WWOX: variants seen among roughly 807,000 people sequenced by gnomAD.
WWOX encodes WW domain containing oxidoreductase.
A neutral mutation model predicts 46.2 loss-of-function variants in WWOX; 69 were observed. The observed-to-expected ratio is 1.49, with a 90% CI of 1.23 to 1.82. The LOEUF is 1.82. Ranked by LOEUF, WWOX falls within the 40% of genes most tolerant of loss-of-function variation. The pLI is 0.00. For synonymous variants in WWOX, 359 were observed against 202.6 expected (o/e 1.77, Z -6.56); for missense variants, 919 against 542.6 (o/e 1.69, Z -6.89).
chr16:78,738,774 G>GCA (rs2049147962), intron 8 of WWOX, among the ~76,000 whole-genome samples: 1 of 152,120 alleles, frequency 6.6e-6, no homozygotes, highest in Admixed American at 6.5e-5. Context: ...CCAGGGCTGT[G>GCA]CAACCCTAGA....
chr16:79,084,017 C>T (rs1436052847), intron 8 of WWOX, among the ~76,000 whole-genome samples: 1 of 152,180 alleles, frequency 6.6e-6, no homozygotes, highest in African/African-American at 2.4e-5. Context: ...TGGTTAACCA[C>T]TCGCATCAGT....
At chr16:78,575,042 T>A (rs1178174657) in intron 8 of WWOX, among the ~76,000 whole-genome samples, 64 of 5,144 alleles carry the variant, frequency 0.012, 1 homozygote, top group South Asian at 0.031. Flanking sequence ...TATATATATA[T>A]ATATATATAT....
At chr16:78,306,272 A>G (rs116162975) in intron 5 of WWOX, among the ~76,000 whole-genome samples, 114 of 152,338 alleles carry the variant, frequency 7.5e-4, no homozygotes, top group African/African-American at 2.5e-3. Flanking sequence ...CCTCTGGATA[A>G]TGACAATAAT....
chr16:78,601,569 C>A lies in WWOX; in HGVS notation c.1056+168817C>A, dbSNP rs560251005. On this transcript the variant is annotated intron_variant, in intron 8 of 8. Coordinates refer to ENST00000566780, the MANE Select transcript of WWOX (RefSeq NM_016373.4). ...AAGGTCTTTTTATATAAGCACTTTC[C>A]GTTAAAGGGGAAGAAATAGCTTTAC... is the stretch of plus-strand genomic sequence containing the variant. 4.1e-4 allele frequency among the ~76,000 whole-genome samples: 62 copies of A among 152,228 alleles called. 1 individual carries two copies. Among genetic ancestry groups the A allele is most frequent in the African/African-American group, 1.4e-3 (59 of 41,546 alleles).
chr16:78,442,200 A>C (rs559848329), intron 8 of WWOX, among the ~76,000 whole-genome samples: 4 of 152,134 alleles, frequency 2.6e-5, no homozygotes, highest in Non-Finnish European at 5.9e-5. Flanking sequence ...ATTCATATGC[A>C]TTGTGAAATG....
intron 8 of WWOX, among the ~76,000 whole-genome samples, chr16:78,922,712 A>C (rs7190125): frequency 0.22 from 34,047 of 151,906 alleles, 4,019 homozygotes; most frequent in East Asian, 0.39. Flanking sequence ...AAAGGATTTT[A>C]TAAGAAAGGA....
At chr16:78,772,213 GC>G (rs1365429798) in intron 8 of WWOX, among the ~76,000 whole-genome samples, 1 of 152,134 alleles carries the variant, frequency 6.6e-6, no homozygotes, top group Non-Finnish European at 1.5e-5. Context: ...CCTCAGGCAG[GC>G]CCCAGTGTCT....
At chr16:79,113,355 C>G (rs186292465) in intron 8 of WWOX, among the ~76,000 whole-genome samples, 58 of 152,284 alleles carry the variant, frequency 3.8e-4, no homozygotes, top group African/African-American at 1.3e-3. Flanking sequence ...TATGCCCCAT[C>G]AGGGGGCAAA....
intron 5 of WWOX, among the ~76,000 whole-genome samples, chr16:78,228,593 T>G (rs1288998739): frequency 6.6e-6 from 1 of 152,134 alleles, no homozygotes; most frequent in Admixed American, 6.6e-5. Flanking sequence ...CCTCCCACCT[T>G]GGCCTCCCAA....
chr16:78,659,593 A>G (rs111351358), intron 8 of WWOX, among the ~76,000 whole-genome samples: 61 of 152,288 alleles, frequency 4.0e-4, no homozygotes, highest in African/African-American at 1.4e-3. Context: ...AATGTTTCCA[A>G]AGTGCACTTG....
chr16:78,862,508 A>G (rs1463067019), intron 8 of WWOX, among the ~76,000 whole-genome samples: 1 of 152,088 alleles, frequency 6.6e-6, no homozygotes, highest in Admixed American at 6.6e-5. Context: ...TTCTGTATAT[A>G]TGTATAAAGA....
chr16:78,377,115 C>T (rs1450199710), intron 5 of WWOX, among the ~76,000 whole-genome samples: 5 of 152,214 alleles, frequency 3.3e-5, no homozygotes, highest in Admixed American at 1.3e-4. Flanking sequence ...TAACAAGTTT[C>T]ATTAAGAACA....
chr16:79,081,540 A>T (rs1169200032), intron 8 of WWOX, among the ~76,000 whole-genome samples: 1 of 152,210 alleles, frequency 6.6e-6, no homozygotes, highest in Non-Finnish European at 1.5e-5. Context: ...GGAATCAAAC[A>T]TTCTCAACTC....
At chr16:78,776,921 CAT>C (rs889638322) in intron 8 of WWOX, among the ~76,000 whole-genome samples, 28 of 152,192 alleles carry the variant, frequency 1.8e-4, no homozygotes, top group Admixed American at 1.6e-3. Flanking sequence ...TCTCCCCTAA[CAT>C]GTGGGGATTA....
At chr16:79,204,731 C>G (rs2051452143) in intron 8 of WWOX, 1 of 152,236 alleles carries the variant, frequency 6.6e-6, no homozygotes, top group African/African-American at 2.4e-5. Flanking sequence ...CTTGGCCTTC[C>G]CAGAACAAAC....
intron 8 of WWOX, among the ~76,000 whole-genome samples, chr16:78,925,842 C>T (rs112113477): frequency 1.3e-4 from 20 of 152,302 alleles, no homozygotes; most frequent in African/African-American, 4.6e-4. Context: ...CTAGTTCTAG[C>T]CTACCAGGAT....
chr16:78,899,791 T>C (rs556747446), intron 8 of WWOX: 1 of 152,304 alleles, frequency 6.6e-6, no homozygotes, highest in East Asian at 1.9e-4. Context: ...CGAAAATCTT[T>C]TATATTTGTG....
chr16:78,838,245 C>T (rs2052044692), intron 8 of WWOX, among the ~76,000 whole-genome samples: 1 of 152,028 alleles, frequency 6.6e-6, no homozygotes, highest in African/African-American at 2.4e-5. Context: ...TTGGTCATTC[C>T]CAGGAAGCAA....
At chr16:78,542,940 A>G (rs948624857) in intron 8 of WWOX, among the ~76,000 whole-genome samples, 2 of 152,188 alleles carry the variant, frequency 1.3e-5, no homozygotes, top group Non-Finnish European at 2.9e-5. Context: ...CCAATAGAAA[A>G]ATGAGAGGAG....
Sources: allele counts gnomAD v4.1 joint callset (sites outside exome capture counted in the v4.1 genomes callset), GRCh38; gene constraint gnomAD v4.1.1; transcripts MANE v1.5; gene names NCBI Gene and HGNC (gene_info 2026-07-23, HGNC 2026-07-21).